Variants in PTPN12 observed in about 807,000 individuals in gnomAD.
The protein encoded by PTPN12 is protein tyrosine phosphatase non-receptor type 12, also known as tyrosine-protein phosphatase non-receptor type 12.
Under a neutral mutation model 97.6 loss-of-function variants are expected in PTPN12, and 29 were observed. The observed-to-expected ratio is 0.30, with a 90% CI of 0.22 to 0.41. The LOEUF is 0.41. Ranked by LOEUF, PTPN12 falls within the 10% of genes least tolerant of loss-of-function variation. PTPN12 has a pLI of 1.00. For missense variants in PTPN12, 819 were observed against 926.0 expected (o/e 0.88, Z 1.50); for synonymous variants, 327 against 300.4 (o/e 1.09, Z -0.91).
intron 11 of PTPN12, among the ~76,000 whole-genome samples, chr7:77,617,810 T>G (rs553032865): frequency 6.7e-6 from 1 of 150,270 alleles, no homozygotes; most frequent in South Asian, 2.1e-4. Flanking sequence ...TTCTTATACC[T>G]GTATTGACTC....
Position 77,552,227 on chromosome 7 carries a change from C to A in PTPN12, c.99+14582C>A, listed in dbSNP as rs1456924634. Among the ~76,000 whole-genome samples, 3 of 152,280 alleles carry A rather than the reference C, an allele frequency of 2.0e-5. No homozygotes were observed. In the East Asian group the frequency reaches 5.8e-4, roughly 29 times the overall value. On this transcript the variant is annotated intron_variant, in intron 1 of 17. Coordinates refer to ENST00000248594, the MANE Select transcript of PTPN12 (RefSeq NM_002835.4). ...AAACTCCTGGACTCAACAGATCCGC[C>A]TGCCTTAGCCTCCTAAGTAGATAGG... is the stretch of plus-strand genomic sequence containing the variant.
chr7:77,566,474 C>G (rs948432433), intron 1 of PTPN12, among the ~76,000 whole-genome samples: 2 of 152,118 alleles, frequency 1.3e-5, no homozygotes, highest in Non-Finnish European at 2.9e-5. Context: ...GTAATCCCAT[C>G]ACTTTGGGAG....
At chr7:77,626,236 G>A (rs1022359664) in intron 12 of PTPN12, among the ~76,000 whole-genome samples, 9 of 152,170 alleles carry the variant, frequency 5.9e-5, no homozygotes, top group African/African-American at 1.7e-4. Flanking sequence ...GAAAAGATAC[G>A]AAATCATGGT....
Position 77,597,685 on chromosome 7 carries a change from TTGA to T in PTPN12, c.493-153_493-151del, listed in dbSNP as rs1262836253. Among the ~76,000 whole-genome samples the T allele has an allele frequency of 2.0e-5, 3 of 152,366 alleles. No individual in the cohort carries two copies. The East Asian group carries it at 5.8e-4, about 29-fold the overall frequency. On this transcript the variant is annotated intron_variant, in intron 6 of 17. Coordinates refer to ENST00000248594, the MANE Select transcript of PTPN12 (RefSeq NM_002835.4). Reference sequence around the variant, plus strand: ...CTATCACTTCAAACATTTCAAATGTTTGATGACTTTTAGAATTTTTTTATAATT... The same window carrying T: ...CTATCACTTCAAACATTTCAAATGTTTGACTTTTAGAATTTTTTTATAATT...
chr7:77,539,807 A>G (rs1646557864), intron 1 of PTPN12, among the ~76,000 whole-genome samples: 1 of 151,718 alleles, frequency 6.6e-6, no homozygotes, highest in Non-Finnish European at 1.5e-5. Context: ...TTTTGTCCGA[A>G]GTAGCCGGGA....
Position 77,537,373 on chromosome 7 carries a change from TGCCGCCGCA to T in PTPN12, c.-165_-157del. Reference sequence around the variant, plus strand: ...GTTGTGGTGTCGGGAGCCCAGCCGGTGCCGCCGCAGCCGCCGCCTAGGGCGGTGGGGAGG... The same window carrying T: ...GTTGTGGTGTCGGGAGCCCAGCCGGTGCCGCCGCCTAGGGCGGTGGGGAGG... On this transcript the variant is annotated 5_prime_UTR_variant, in exon 1 of 18. Transcript: ENST00000248594. 1.2e-6 allele frequency: 1 copy of T among 824,480 alleles called. No homozygotes were observed. The highest frequency in any genetic ancestry group is 1.6e-6 in the Non-Finnish European group (1 of 610,092). The allele number at this position is 824,480 out of a possible 1,614,324, so 51.1% of individuals were successfully genotyped here.
At chr7:77,537,727 T>G (rs1806724952) in intron 1 of PTPN12, 82 bp downstream of exon 1, 1 of 1,443,424 alleles carries the variant, frequency 6.9e-7, no homozygotes, top group African/African-American at 1.5e-5. Context: ...CGCCAGTGCT[T>G]TGTGTACCTC....
intron 9 of PTPN12, among the ~76,000 whole-genome samples, chr7:77,609,219 C>CA (rs1396235696): frequency 6.7e-6 from 1 of 148,396 alleles, no homozygotes; most frequent in African/African-American, 2.5e-5. Context: ...GACTCCGTCT[C>CA]AAAAAATAAA....
intron 9 of PTPN12, among the ~76,000 whole-genome samples, chr7:77,608,332 TG>T (rs1384836699): frequency 6.6e-6 from 1 of 152,228 alleles, no homozygotes; most frequent in Non-Finnish European, 1.5e-5. Flanking sequence ...TGTGGTAAAT[TG>T]TAAGTACTCA....
chr7:77,617,074 C>T (rs1056108780), intron 11 of PTPN12, among the ~76,000 whole-genome samples: 8 of 152,126 alleles, frequency 5.3e-5, no homozygotes, highest in African/African-American at 9.7e-5. Context: ...TGAGCCACTG[C>T]GCCCAGCCTA....
intron 16 of PTPN12, among the ~76,000 whole-genome samples, chr7:77,637,440 T>C (rs984159854): frequency 9.2e-5 from 14 of 152,206 alleles, no homozygotes; most frequent in African/African-American, 3.1e-4. Flanking sequence ...TTCATTTATT[T>C]GTGAAGACCA....
chr7:77,622,134 T>C (rs1183242457), intron 12 of PTPN12, among the ~76,000 whole-genome samples: 1 of 152,172 alleles, frequency 6.6e-6, no homozygotes, highest in African/African-American at 2.4e-5. Flanking sequence ...TCCGTATTTT[T>C]TGTAGAGATG....
intron 12 of PTPN12, 57 bp downstream of exon 12, chr7:77,618,622 A>C: frequency 5.2e-6 from 6 of 1,145,790 alleles, no homozygotes; most frequent in Non-Finnish European, 7.7e-6. Context: ...ACTCACTGTT[A>C]ATTAAAATGA....
At chr7:77,566,069 C>A (rs1808243312) in intron 1 of PTPN12, among the ~76,000 whole-genome samples, 2 of 152,152 alleles carry the variant, frequency 1.3e-5, no homozygotes, top group South Asian at 4.1e-4. Flanking sequence ...AGGGAAGGTT[C>A]AAGAAAGCCT....
At chr7:77,632,263 A>G in intron 13 of PTPN12, 85 bp from the exon 14 acceptor site, 2 of 1,034,650 alleles carry the variant, frequency 1.9e-6, no homozygotes, top group East Asian at 4.8e-5. Context: ...TATTTGTGAC[A>G]GGAATTTTTA....
chr7:77,562,654 C>T (rs1232941802), intron 1 of PTPN12, among the ~76,000 whole-genome samples: 3 of 152,082 alleles, frequency 2.0e-5, no homozygotes, highest in Non-Finnish European at 2.9e-5. Flanking sequence ...TAAATATATA[C>T]AGGGACATTA....
intron 1 of PTPN12, among the ~76,000 whole-genome samples, chr7:77,539,100 G>T (rs1806823149): frequency 6.6e-6 from 1 of 152,148 alleles, no homozygotes; most frequent in African/African-American, 2.4e-5. Context: ...TATGGTGGAG[G>T]TGATATGACT....
intron 13 of PTPN12, among the ~76,000 whole-genome samples, chr7:77,630,034 A>AAATC (rs1789344177): frequency 6.6e-6 from 1 of 151,934 alleles, no homozygotes; most frequent in African/African-American, 2.4e-5. Context: ...TTCAAAGCAA[A>AAATC]AATCACTATA....
intron 11 of PTPN12, among the ~76,000 whole-genome samples, chr7:77,616,746 GA>G (rs1413750700): frequency 6.6e-6 from 1 of 152,034 alleles, no homozygotes; most frequent in African/African-American, 2.4e-5. Flanking sequence ...ATCATTAATG[GA>G]AATAATAAGC....
Sources: allele counts gnomAD v4.1 joint callset (sites outside exome capture counted in the v4.1 genomes callset), GRCh38; gene constraint gnomAD v4.1.1; transcripts MANE v1.5; gene names NCBI Gene and HGNC (gene_info 2026-07-23, HGNC 2026-07-21).